LOXHD1: variants seen among roughly 807,000 people sequenced by gnomAD.
The protein encoded by LOXHD1 is lipoxygenase homology PLAT domains 1, also known as lipoxygenase homology domain-containing protein 1.
In LOXHD1, 205 loss-of-function variants were observed where a neutral mutation model predicts 248.2. That is an observed-to-expected ratio of 0.83 (90% CI 0.74 to 0.93). The LOEUF (loss-of-function observed/expected upper bound fraction) is 0.93, where lower values mean the gene tolerates loss of function less well. Ranked by LOEUF, LOXHD1 falls within the 40% of genes least tolerant of loss-of-function variation. The pLI, the probability that LOXHD1 is intolerant of heterozygous loss-of-function variation, is 0.00. For synonymous variants in LOXHD1, 1,113 were observed against 1,162.8 expected (o/e 0.96, Z 0.87); for missense variants, 2,930 against 2,971.6 (o/e 0.99, Z 0.33).
rs1297647628 is a variant in LOXHD1, at chr18:46,477,624, C to T, written c.6670G>A (p.Asp2224Asn). 4 of 1,551,760 alleles carry T rather than the reference C, an allele frequency of 2.6e-6. No homozygotes were observed. Among genetic ancestry groups the T allele is most frequent in the South Asian group, 1.2e-5 (1 of 84,068 alleles). The change falls in exon 41 of 41, where the codon GAC (aspartate) becomes AAC (asparagine). Residue 2224 changes from aspartate to asparagine, a missense_variant. Coordinates refer to ENST00000642948, the MANE Select transcript of LOXHD1 (RefSeq NM_001384474.1). ...GELRKVRLEH[D>N]SSGYCSGWLV... is the part of the protein sequence containing the mutation. ...CAGCCTGAGCAGTAGCCACTGCTGT[C>T]GTGCTCCAGGCGCACCTTGCGCAGC... is the stretch of plus-strand genomic sequence containing the variant.
At chr18:46,509,602 C>T (rs751914438) in intron 35 of LOXHD1, 96 bp downstream of exon 35, 4 of 871,014 alleles carry the variant, frequency 4.6e-6, no homozygotes, top group Non-Finnish European at 7.6e-6. Context: ...TCTACAGTGA[C>T]ATTTGTGCTT....
At chr18:46,487,259 C>G (rs1469470804) in intron 38 of LOXHD1, among the ~76,000 whole-genome samples, 1 of 152,190 alleles carries the variant, frequency 6.6e-6, no homozygotes, top group Admixed American at 6.5e-5. Context: ...GAGGAGCGAA[C>G]AGATCCCCAT....
rs572863376 is a variant in LOXHD1 at position 46,485,133 on chromosome 18, T to G, written c.6068A>C (p.Glu2023Ala). 1 of 1,549,780 alleles carries G rather than the reference T, an allele frequency of 6.5e-7. No homozygotes were observed. Among genetic ancestry groups the G allele is most frequent in the Non-Finnish European group, 8.7e-7 (1 of 1,146,520 alleles). ...CCTGGTTTCGCCTCCGTTGCCCGTTTCTATGACGATCTCGTAGGCTGTAAT... is the reference window on the plus strand; with the variant it reads ...CCTGGTTTCGCCTCCGTTGCCCGTTGCTATGACGATCTCGTAGGCTGTAAT... ...LEETTYEIVIETGNGGETREN... is the reference protein window; with the variant it reads ...LEETTYEIVIATGNGGETREN... Residue 2023 changes from glutamate to alanine, a missense_variant, in exon 39 of 41, where the codon GAA becomes GCA. Physicochemically the swap from Glu to Ala is moderately radical, Grantham distance 107. Coordinates refer to ENST00000642948, the MANE Select transcript of LOXHD1 (RefSeq NM_001384474.1).
chr18:46,522,553 G>A (rs943726595), intron 31 of LOXHD1, among the ~76,000 whole-genome samples: 1 of 152,216 alleles, frequency 6.6e-6, no homozygotes, highest in Admixed American at 6.5e-5. Flanking sequence ...TTTGTTTGGA[G>A]TGTCAAGCTT....
chr18:46,603,860 A>G (rs2038374725), intron 7 of LOXHD1, among the ~76,000 whole-genome samples: 1 of 152,204 alleles, frequency 6.6e-6, no homozygotes, highest in African/African-American at 2.4e-5. Flanking sequence ...GCTTCATCCT[A>G]TGGATACCTT....
chr18:46,633,655 G>A (rs903308868), intron 4 of LOXHD1, among the ~76,000 whole-genome samples: 2 of 152,150 alleles, frequency 1.3e-5, no homozygotes, highest in African/African-American at 4.8e-5. Context: ...GGGCATCAGT[G>A]GACACTATCA....
intron 29 of LOXHD1, among the ~76,000 whole-genome samples, chr18:46,528,949 G>A (rs189614052): frequency 1.3e-5 from 2 of 152,112 alleles, no homozygotes; most frequent in Admixed American, 6.5e-5. Flanking sequence ...GTCCAAGGCC[G>A]GCCTTCTGCT....
In LOXHD1 at chr18:46,477,844, G is replaced by C. The variant is rs1209695345; in HGVS notation, c.6450C>G (p.Ser2150Arg). ...TTESFASKVQ[S>R]LVPVKYEVIV... ...TGACTTCGTACTTGACGGGCACCAG[G>C]CTCTGGACCTTGCTGGCAAAGCTCT... Residue 2150 changes from serine (S) to arginine (R), a missense_variant, in exon 41 of 41, where the codon AGC becomes AGG. By Grantham distance (110) the Ser-to-Arg change is moderately radical. Transcript: ENST00000642948. 10 of 1,551,706 alleles carry C rather than the reference G, an allele frequency of 6.4e-6. No homozygotes were observed. The highest frequency in any genetic ancestry group is 7.0e-6 in the Non-Finnish European group (8 of 1,147,028).
intron 33 of LOXHD1, chr18:46,520,388 T>C (rs948435392): frequency 4.5e-6 from 2 of 445,610 alleles, no homozygotes; most frequent in Non-Finnish European, 9.2e-6. Flanking sequence ...GTTGACCCCA[T>C]AGCCATGAGC....
chr18:46,492,732 T>G (rs1163123309), intron 37 of LOXHD1, among the ~76,000 whole-genome samples: 1 of 152,202 alleles, frequency 6.6e-6, no homozygotes, highest in Non-Finnish European at 1.5e-5. Flanking sequence ...TAACAAACAC[T>G]CTACACTATT....
At chr18:46,572,514 T>C (rs540214482) in intron 14 of LOXHD1, among the ~76,000 whole-genome samples, 2 of 152,096 alleles carry the variant, frequency 1.3e-5, no homozygotes, top group South Asian at 4.1e-4. Context: ...AACAGGACCA[T>C]GTGGATGGGA....
chr18:46,597,980 G>T (rs2038284057), intron 8 of LOXHD1, among the ~76,000 whole-genome samples: 1 of 151,096 alleles, frequency 6.6e-6, no homozygotes, highest in Non-Finnish European at 1.5e-5. Context: ...TGTTAGCCAG[G>T]CTGGTCTCGA....
Position 46,478,345 on chromosome 18 carries a change from G to C in LOXHD1, c.6342-393C>G, listed in dbSNP as rs139873875. Reference sequence around the variant, plus strand: ...ATTACAGGCGTGAGCCACTGCGCCTGGCCGACCCTATTTTTAAGATATATC... The same window carrying C: ...ATTACAGGCGTGAGCCACTGCGCCTCGCCGACCCTATTTTTAAGATATATC... On this transcript the variant is annotated intron_variant, in intron 40 of 40. Transcript: ENST00000642948. Among the ~76,000 whole-genome samples the C allele has an allele frequency of 5.1e-3, 780 of 152,058 alleles. 7 individuals carry two copies. The highest frequency in any genetic ancestry group is 0.014 in the Middle Eastern group (4 of 294).
chr18:46,582,192 G>T (rs2037977133), intron 12 of LOXHD1, among the ~76,000 whole-genome samples: 3 of 151,982 alleles, frequency 2.0e-5, no homozygotes. Context: ...TCATATTACT[G>T]CATAAAGCAG....
chr18:46,559,057 G>A, intron 20 of LOXHD1: 2 of 965,212 alleles, frequency 2.1e-6, no homozygotes, highest in South Asian at 1.3e-5. Context: ...GCCTTTATAT[G>A]TCTACACCAT....
intron 8 of LOXHD1, among the ~76,000 whole-genome samples, chr18:46,596,303 A>C (rs549074840): frequency 9.9e-5 from 15 of 152,234 alleles, no homozygotes; most frequent in Non-Finnish European, 1.8e-4. Flanking sequence ...ATCACTTTAC[A>C]TACATTGCTG....
chr18:46,513,007 AG>A, intron 34 of LOXHD1, among the ~76,000 whole-genome samples: 1 of 152,352 alleles, frequency 6.6e-6, no homozygotes, highest in South Asian at 2.1e-4. Context: ...GCCTATCATT[AG>A]GTATGAAATC....
In LOXHD1 at chr18:46,612,049, T is replaced by A. The variant is rs865925919; in HGVS notation, c.611-1125A>T. Among the ~76,000 whole-genome samples the A allele has an allele frequency of 3.9e-5, 6 of 152,354 alleles. 1 individual carries two copies. In the Middle Eastern group the frequency reaches 0.017, roughly 432 times the overall value. On this transcript the variant is annotated intron_variant, in intron 5 of 40. Coordinates refer to ENST00000642948, the MANE Select transcript of LOXHD1 (RefSeq NM_001384474.1). ...TTAATGTTATCCTTTTGAGAGTACC[T>A]TGATGATAGTCATAACTTTAGTTTA...
At chr18:46,656,856 A>T in intron 1 of LOXHD1, 48 bp downstream of exon 1, 1 of 1,542,644 alleles carries the variant, frequency 6.5e-7, no homozygotes, top group Non-Finnish European at 8.8e-7. Context: ...ACCCCTGCCC[A>T]CCGCAGCCAG....
Sources: allele counts gnomAD v4.1 joint callset (sites outside exome capture counted in the v4.1 genomes callset), GRCh38; gene constraint gnomAD v4.1.1; transcripts MANE v1.5; gene names NCBI Gene and HGNC (gene_info 2026-07-23, HGNC 2026-07-21).